The following STK38L variants were observed in gnomAD, a reference collection of about 807,000 sequenced individuals.
STK38L encodes the protein serine/threonine kinase 38 like, also known as serine/threonine-protein kinase 38-like.
In STK38L, 28 loss-of-function variants were observed where a neutral mutation model predicts 59.7. The observed-to-expected ratio is 0.47, with a 90% confidence interval of 0.35 to 0.64. STK38L has a LOEUF of 0.64. STK38L is among the 30% of genes least tolerant of loss of function. The probability of loss-of-function intolerance (pLI) is 0.01; values close to 1 mark genes in which losing one functional copy is unlikely to be tolerated. For missense variants in STK38L, 314 were observed against 555.8 expected, an observed-to-expected ratio of 0.56 and a Z score of 4.37; for synonymous variants, 162 against 176.8, an observed-to-expected ratio of 0.92 and a Z score of 0.66.
intron 3 of STK38L, among the ~76,000 whole-genome samples, chr12:27,303,457 T>G (rs1944230203): frequency 6.6e-6 from 1 of 152,166 alleles, no homozygotes; most frequent in Admixed American, 6.5e-5. Context: ...CCTGTCCCCA[T>G]GGGAGCCTTA....
chr12:27,246,366 G>A (rs1262826191), intron 1 of STK38L, among the ~76,000 whole-genome samples: 1 of 152,048 alleles, frequency 6.6e-6, no homozygotes, highest in African/African-American at 2.4e-5. Context: ...AGGGAGAAAG[G>A]GCACAAATCA....
chr12:27,316,417 T>C (rs1467359794), intron 9 of STK38L, among the ~76,000 whole-genome samples: 2 of 152,306 alleles, frequency 1.3e-5, no homozygotes, highest in East Asian at 3.9e-4. Flanking sequence ...ATTTACAAAA[T>C]ATTCATGGGT....
At chr12:27,252,041 G>A (rs1484697022) in intron 1 of STK38L, among the ~76,000 whole-genome samples, 1 of 151,984 alleles carries the variant, frequency 6.6e-6, no homozygotes, top group Non-Finnish European at 1.5e-5. Flanking sequence ...GTGCAGTGGC[G>A]CGATCTCAGC....
chr12:27,251,208 A>G (rs1169950525), intron 1 of STK38L, among the ~76,000 whole-genome samples: 1 of 152,034 alleles, frequency 6.6e-6, no homozygotes, highest in Non-Finnish European at 1.5e-5. Context: ...TCAGACATAA[A>G]TTCTCTTGGG....
intron 3 of STK38L, among the ~76,000 whole-genome samples, chr12:27,303,560 G>T (rs1030586332): frequency 9.9e-5 from 15 of 152,158 alleles, no homozygotes; most frequent in African/African-American, 3.6e-4. Context: ...TAAATATTTG[G>T]TGAATAAACA....
intron 5 of STK38L, among the ~76,000 whole-genome samples, chr12:27,310,263 A>G (rs1443553713): frequency 6.6e-6 from 1 of 152,160 alleles, no homozygotes; most frequent in Non-Finnish European, 1.5e-5. Flanking sequence ...TGAGATACTG[A>G]GTTGGATTAG....
chr12:27,272,180 C>T, intron 1 of STK38L, among the ~76,000 whole-genome samples: 1 of 152,218 alleles, frequency 6.6e-6, no homozygotes. Flanking sequence ...ATAAATAATA[C>T]AACGAATTAA....
intron 1 of STK38L, among the ~76,000 whole-genome samples, chr12:27,270,303 G>A (rs1247820507): frequency 6.6e-6 from 1 of 152,014 alleles, no homozygotes; most frequent in Non-Finnish European, 1.5e-5. Flanking sequence ...TACCTCCCAG[G>A]CCCAGGCGAT....
intron 1 of STK38L, among the ~76,000 whole-genome samples, chr12:27,266,446 A>G (rs972449749): frequency 2.0e-5 from 3 of 152,240 alleles, no homozygotes; most frequent in Non-Finnish European, 2.9e-5. Flanking sequence ...CTTAAGTAAC[A>G]TCTAAGACCC....
At chr12:27,260,414 G>A (rs749777096) in intron 1 of STK38L, among the ~76,000 whole-genome samples, 1 of 152,158 alleles carries the variant, frequency 6.6e-6, no homozygotes, top group African/African-American at 2.4e-5. Flanking sequence ...AGAGCATTTA[G>A]TGAAAGGGAA....
intron 1 of STK38L, among the ~76,000 whole-genome samples, chr12:27,250,281 C>A (rs112815654): frequency 6.6e-6 from 1 of 152,120 alleles, no homozygotes; most frequent in African/African-American, 2.4e-5. Context: ...CTTTTATGAT[C>A]TGGAGATTTT....
intron 1 of STK38L, among the ~76,000 whole-genome samples, chr12:27,247,146 C>A (rs2136597358): frequency 6.6e-6 from 1 of 152,286 alleles, no homozygotes; most frequent in East Asian, 1.9e-4. Context: ...CTGCTTCCTG[C>A]TAAATCCTTT....
chr12:27,304,036 AG>A (rs1944245242), intron 3 of STK38L, among the ~76,000 whole-genome samples: 1 of 152,114 alleles, frequency 6.6e-6, no homozygotes, highest in African/African-American at 2.4e-5. Context: ...CCAAGATGGG[AG>A]GATCACTTGA....
At chr12:27,296,916 GT>G (rs1420444191) in intron 1 of STK38L, 3 of 152,202 alleles carry the variant, frequency 2.0e-5, no homozygotes, top group African/African-American at 7.2e-5. Flanking sequence ...ATCTCTAAAA[GT>G]TGGCACTGGA....
At chr12:27,286,176 GA>G (rs1397669741) in intron 1 of STK38L, among the ~76,000 whole-genome samples, 1 of 151,588 alleles carries the variant, frequency 6.6e-6, no homozygotes. Flanking sequence ...TGGTTTATAG[GA>G]AAAAAAATTC....
At chr12:27,271,869 T>G (rs909666913) in intron 1 of STK38L, among the ~76,000 whole-genome samples, 2 of 152,048 alleles carry the variant, frequency 1.3e-5, no homozygotes, top group Non-Finnish European at 2.9e-5. Flanking sequence ...CTGGCTAACT[T>G]TTGTATTTTT....
chr12:27,300,843 A>T (rs1475922208), intron 2 of STK38L, among the ~76,000 whole-genome samples: 1 of 152,198 alleles, frequency 6.6e-6, no homozygotes, highest in Non-Finnish European at 1.5e-5. Context: ...AAGAAGGAAA[A>T]CTAAGTGATC....
chr12:27,266,572 A>G (rs1248887526), intron 1 of STK38L, among the ~76,000 whole-genome samples: 5 of 152,218 alleles, frequency 3.3e-5, no homozygotes, highest in Admixed American at 6.5e-5. Flanking sequence ...ACATGTTCAT[A>G]CAACACAGAG....
intron 1 of STK38L, among the ~76,000 whole-genome samples, chr12:27,250,743 G>C (rs1057008771): frequency 6.6e-6 from 1 of 152,074 alleles, no homozygotes; most frequent in African/African-American, 2.4e-5. Flanking sequence ...ACTCACGCCT[G>C]TAATCCCAGC....
Sources: gnomAD v4.1 joint callset for allele counts (sites outside exome capture counted in the v4.1 genomes callset) on GRCh38, gnomAD v4.1.1 for gene constraint, MANE v1.5 for transcripts, NCBI Gene and HGNC (gene_info 2026-07-23, HGNC 2026-07-21) for gene names.